Variants in KIAA1217 observed in about 807,000 individuals in gnomAD.
KIAA1217 encodes the protein KIAA1217, also known as sickle tail protein homolog.
A neutral mutation model predicts 163.9 loss-of-function variants in KIAA1217; 88 were observed. The ratio of observed to expected loss-of-function variants is 0.54; its 90% CI spans 0.45 to 0.64. KIAA1217 has a LOEUF of 0.64. KIAA1217 is among the 30% of genes least tolerant of loss of function. KIAA1217 has a pLI of 0.00. For synonymous variants in KIAA1217, 903 were observed against 923.1 expected, an observed-to-expected ratio of 0.98 and a Z score of 0.39; for missense variants, 2,372 against 2,475.0, an observed-to-expected ratio of 0.96 and a Z score of 0.88.
chr10:24,435,541 A>G (rs1338619910), intron 4 of KIAA1217, among the ~76,000 whole-genome samples: 2 of 152,232 alleles, frequency 1.3e-5, no homozygotes, highest in African/African-American at 4.8e-5. Flanking sequence ...ATGGAGCTCA[A>G]GGCTGATGAG....
intron 2 of KIAA1217, among the ~76,000 whole-genome samples, chr10:24,037,562 G>T (rs972660091): frequency 6.6e-6 from 1 of 152,212 alleles, no homozygotes; most frequent in African/African-American, 2.4e-5. Flanking sequence ...AACCTGATCA[G>T]CTGGTGAATG....
chr10:23,871,859 A>G (rs1446852640), intron 1 of KIAA1217, among the ~76,000 whole-genome samples: 2 of 152,060 alleles, frequency 1.3e-5, no homozygotes, highest in Admixed American at 6.6e-5. Context: ...CCAACGTGTC[A>G]TTTCAAATTT....
At chr10:24,163,062 A>G (rs1781285321) in intron 2 of KIAA1217, among the ~76,000 whole-genome samples, 1 of 152,226 alleles carries the variant, frequency 6.6e-6, no homozygotes, top group South Asian at 2.1e-4. Context: ...CAACTCTGGA[A>G]CAATGTAGAA....
intron 2 of KIAA1217, among the ~76,000 whole-genome samples, chr10:24,224,292 G>A (rs2070137571): frequency 6.6e-6 from 1 of 152,094 alleles, no homozygotes; most frequent in African/African-American, 2.4e-5. Context: ...TTCACAATAT[G>A]CTAATTCTAT....
intron 10 of KIAA1217, 119 bp from the exon 11 acceptor site, chr10:24,520,004 C>T (rs934566704): frequency 1.8e-6 from 2 of 1,137,204 alleles, no homozygotes; most frequent in Admixed American, 2.3e-5. Flanking sequence ...ACACGAAAGG[C>T]AGGGGGGAGG....
chr10:24,062,794 G>A (rs1280915450), intron 2 of KIAA1217, among the ~76,000 whole-genome samples: 1 of 152,076 alleles, frequency 6.6e-6, no homozygotes, highest in East Asian at 1.9e-4. Flanking sequence ...ATCCTCTCCA[G>A]CACCTGTTGT....
chr10:24,013,799 T>C (rs746824782), intron 2 of KIAA1217, among the ~76,000 whole-genome samples: 13 of 151,938 alleles, frequency 8.6e-5, no homozygotes, highest in Admixed American at 6.6e-5. Context: ...AACTTGGCCA[T>C]GCGCTATGGG....
intron 1 of KIAA1217, among the ~76,000 whole-genome samples, chr10:23,936,218 G>C (rs997682099): frequency 2.6e-5 from 4 of 152,054 alleles, no homozygotes; most frequent in Non-Finnish European, 5.9e-5. Context: ...AACACAGCTA[G>C]AAGCCAGAGG....
At chr10:24,421,796 A>G (rs1329476547) in intron 3 of KIAA1217, among the ~76,000 whole-genome samples, 1 of 152,198 alleles carries the variant, frequency 6.6e-6, no homozygotes, top group East Asian at 1.9e-4. Flanking sequence ...ATGTGAAACC[A>G]GCCTTACATT....
At chr10:23,757,160 C>T (rs898928458) in intron 1 of KIAA1217, among the ~76,000 whole-genome samples, 1 of 151,910 alleles carries the variant, frequency 6.6e-6, no homozygotes. Flanking sequence ...TTAGTTATTG[C>T]GATTAATGCT....
chr10:24,298,519 CG>C (rs2040888530), intron 2 of KIAA1217, among the ~76,000 whole-genome samples: 1 of 152,010 alleles, frequency 6.6e-6, no homozygotes, highest in African/African-American at 2.4e-5. Flanking sequence ...AGTAGCGAGC[CG>C]GGCGCAGTGG....
chr10:24,015,798 G>T (rs770862896), intron 2 of KIAA1217, among the ~76,000 whole-genome samples: 16 of 149,990 alleles, frequency 1.1e-4, no homozygotes, highest in South Asian at 2.1e-4. Context: ...AAGAAAGAAA[G>T]AAATAGAAAC....
intron 2 of KIAA1217, among the ~76,000 whole-genome samples, chr10:24,035,507 C>A (rs181240365): frequency 7.1e-4 from 108 of 152,244 alleles, no homozygotes; most frequent in Middle Eastern, 3.4e-3. Context: ...ATCTGCAACA[C>A]CAATGTGCTG....
intron 1 of KIAA1217, among the ~76,000 whole-genome samples, chr10:23,717,391 A>T (rs1235574464): frequency 6.6e-6 from 1 of 152,090 alleles, no homozygotes; most frequent in Non-Finnish European, 1.5e-5. Flanking sequence ...CTCTACCTGG[A>T]TTGTCTAATT....
chr10:24,379,178 A>G (rs1033011379), intron 2 of KIAA1217, among the ~76,000 whole-genome samples: 1 of 152,192 alleles, frequency 6.6e-6, no homozygotes, highest in Admixed American at 6.5e-5. Flanking sequence ...TCTGCTGAGC[A>G]CAGTAAGGAG....
chr10:23,775,802 C>T (rs749328884), intron 1 of KIAA1217, among the ~76,000 whole-genome samples: 63 of 152,094 alleles, frequency 4.1e-4, no homozygotes, highest in Non-Finnish European at 7.6e-4. Context: ...GGATTTTCTT[C>T]CTTTGATGTA....
chr10:24,358,610 A>T (rs1328425654), intron 2 of KIAA1217, among the ~76,000 whole-genome samples: 1 of 152,226 alleles, frequency 6.6e-6, no homozygotes, highest in Non-Finnish European at 1.5e-5. Context: ...AAGGGTGGAT[A>T]TTGAGACACA....
chr10:24,264,760 GGTCT>G (rs2076046951), intron 2 of KIAA1217, among the ~76,000 whole-genome samples: 1 of 109,462 alleles, frequency 9.1e-6, no homozygotes, highest in African/African-American at 3.8e-5. Context: ...GTGGTCGGTC[GGTCT>G]TTCTCTCTCT....
At chr10:24,101,461 G>A (rs891838563) in intron 2 of KIAA1217, among the ~76,000 whole-genome samples, 1 of 152,160 alleles carries the variant, frequency 6.6e-6, no homozygotes, top group Non-Finnish European at 1.5e-5. Context: ...CCATTCCTGT[G>A]AGGGTATGAC....
Sources: gnomAD v4.1 joint callset for allele counts (sites outside exome capture counted in the v4.1 genomes callset) on GRCh38, gnomAD v4.1.1 for gene constraint, MANE v1.5 for transcripts, NCBI Gene and HGNC (gene_info 2026-07-23, HGNC 2026-07-21) for gene names.